Variants in ABAT observed in about 807,000 individuals in gnomAD.
The protein encoded by ABAT is 4-aminobutyrate aminotransferase, also known as 4-aminobutyrate aminotransferase, mitochondrial.
A neutral mutation model predicts 64.6 loss-of-function variants in ABAT; 45 were observed. That is an observed-to-expected ratio of 0.70 (90% confidence interval 0.55 to 0.89). ABAT has a LOEUF of 0.89. Ranked by LOEUF, ABAT falls within the 40% of genes least tolerant of loss-of-function variation. The pLI is 0.00. For synonymous variants in ABAT, 297 were observed against 250.5 expected, an observed-to-expected ratio of 1.19 and a Z score of -1.75; for missense variants, 633 against 658.4, an observed-to-expected ratio of 0.96 and a Z score of 0.42.
intron 14 of ABAT, among the ~76,000 whole-genome samples, chr16:8,777,107 G>T (rs1367505324): frequency 6.6e-6 from 1 of 151,982 alleles, no homozygotes; most frequent in Non-Finnish European, 1.5e-5. Context: ...CACCATGTTG[G>T]CCAGGCTGGT....
chr16:8,747,920 C>T lies in ABAT; in HGVS notation c.169-188C>T, dbSNP rs146566345. ...CTGTCTATCGTACTAGTAATTTAAGCGTGTAATGGAATAGTTTCCTGCCAA... is the reference window on the plus strand; with the variant it reads ...CTGTCTATCGTACTAGTAATTTAAGTGTGTAATGGAATAGTTTCCTGCCAA... On this transcript the variant is annotated intron_variant, in intron 3 of 15. Transcript: ENST00000268251. Among the ~76,000 whole-genome samples the T allele has an allele frequency of 1.5e-4, 23 of 152,032 alleles. No homozygotes were observed. In the East Asian group the frequency reaches 3.3e-3, roughly 22 times the overall value.
intron 3 of ABAT, among the ~76,000 whole-genome samples, chr16:8,747,430 A>T (rs1332227794): frequency 6.6e-6 from 1 of 152,164 alleles, no homozygotes; most frequent in Non-Finnish European, 1.5e-5. Context: ...TGCTAACAAA[A>T]CGGGAGACAT....
intron 1 of ABAT, among the ~76,000 whole-genome samples, chr16:8,684,088 G>C (rs1348786855): frequency 6.6e-6 from 1 of 152,188 alleles, no homozygotes; most frequent in Non-Finnish European, 1.5e-5. Flanking sequence ...AGTGCCGAAG[G>C]TGTGTGGGAG....
intron 11 of ABAT, among the ~76,000 whole-genome samples, chr16:8,770,178 C>T (rs756266172): frequency 2.0e-5 from 3 of 152,198 alleles, no homozygotes; most frequent in Admixed American, 6.5e-5. Context: ...AGCTCTGTTG[C>T]CCAGGCTGGA....
intron 1 of ABAT, among the ~76,000 whole-genome samples, chr16:8,732,606 C>G (rs1035023955): frequency 1.3e-4 from 19 of 151,598 alleles, no homozygotes; most frequent in African/African-American, 4.6e-4. Context: ...AATGAAAAGT[C>G]TCCCATGTCT....
chr16:8,704,264 C>A (rs1399187490), intron 1 of ABAT, among the ~76,000 whole-genome samples: 2 of 152,176 alleles, frequency 1.3e-5, no homozygotes, highest in African/African-American at 4.8e-5. Flanking sequence ...CTTCGGAAAC[C>A]AAACGGAACA....
At chr16:8,706,668 G>A (rs532470619) in intron 1 of ABAT, among the ~76,000 whole-genome samples, 8 of 152,068 alleles carry the variant, frequency 5.3e-5, no homozygotes, top group Admixed American at 1.3e-4. Flanking sequence ...AGCCAAGATC[G>A]TGCCACGGCA....
intron 13 of ABAT, among the ~76,000 whole-genome samples, chr16:8,775,714 G>C (rs981106762): frequency 6.6e-6 from 1 of 152,214 alleles, no homozygotes; most frequent in Non-Finnish European, 1.5e-5. Context: ...GAAAGAAAAA[G>C]AAGGGAAGGA....
intron 1 of ABAT, among the ~76,000 whole-genome samples, chr16:8,714,436 C>T (rs181295863): frequency 6.0e-4 from 91 of 152,356 alleles, no homozygotes; most frequent in African/African-American, 1.9e-3. Context: ...GGGCGGCTCA[C>T]GCCAAGAGTA....
In ABAT at chr16:8,776,582, G is replaced by A. The variant is rs1009194024; in HGVS notation, c.1269+92G>A. On this transcript the variant is annotated intron_variant, in intron 14 of 15. Coordinates refer to ENST00000268251, the MANE Select transcript of ABAT (RefSeq NM_020686.6). The surrounding 1 kb of genome is among the most constrained non-coding windows in gnomAD (Gnocchi z 4.4). ...CTGGAGCTCTTCGGCATGGTGTTGT[G>A]CCTGCTGTTCCAGCAGTTCGTAACG... The A allele has an allele frequency of 6.7e-6, 9 of 1,353,176 alleles. No homozygotes were observed. The highest frequency in any genetic ancestry group is 1.4e-5 in the African/African-American group (1 of 69,190). The allele number at this position is 1,353,176 out of a possible 1,614,324, so 83.8% of individuals were successfully genotyped here.
chr16:8,721,872 A>C (rs2058382268), intron 1 of ABAT, among the ~76,000 whole-genome samples: 1 of 152,330 alleles, frequency 6.6e-6, no homozygotes, highest in South Asian at 2.1e-4. Context: ...AAAAAGGACG[A>C]GGAGAGGTGG....
intron 2 of ABAT, among the ~76,000 whole-genome samples, chr16:8,744,634 C>A (rs976791091): frequency 1.3e-5 from 2 of 152,090 alleles, no homozygotes; most frequent in African/African-American, 4.8e-5. Flanking sequence ...TCCCAAAGTG[C>A]TGGGATTATA....
chr16:8,768,798 T>G (rs1175243462), intron 10 of ABAT, 27 bp from the exon 11 acceptor site: 1 of 1,614,016 alleles, frequency 6.2e-7, no homozygotes, highest in South Asian at 1.1e-5. Flanking sequence ...AAGCCAAGCG[T>G]CTGCTTTTCT....
chr16:8,684,073 A>G (rs1404872101), intron 1 of ABAT, among the ~76,000 whole-genome samples: 5 of 152,190 alleles, frequency 3.3e-5, no homozygotes, highest in African/African-American at 1.2e-4. Flanking sequence ...CCACACAGTG[A>G]GGAGAGTGCC....
chr16:8,775,528 C>A (rs2060242374), intron 13 of ABAT, among the ~76,000 whole-genome samples: 1 of 150,488 alleles, frequency 6.6e-6, no homozygotes, highest in African/African-American at 2.4e-5. Flanking sequence ...ATACTCTTAC[C>A]CACTACACTG....
chr16:8,755,902 A>T (rs1053402830), intron 5 of ABAT, among the ~76,000 whole-genome samples: 1 of 152,184 alleles, frequency 6.6e-6, no homozygotes, highest in Non-Finnish European at 1.5e-5. Context: ...ACAAAAAATT[A>T]GCCAGGCGTG....
At chr16:8,737,471 C>T (rs1257058940) in intron 2 of ABAT, 1 of 102,082 alleles carries the variant, frequency 9.8e-6, no homozygotes. Context: ...GAGGCTCTGT[C>T]TCAAAAAAAT....
chr16:8,733,362 C>A (rs563784030), intron 1 of ABAT, among the ~76,000 whole-genome samples: 1,952 of 150,138 alleles, frequency 0.013, 78 homozygotes, highest in African/African-American at 0.045. Flanking sequence ...GCAGCCAGGC[C>A]GAGGGGCTCC....
chr16:8,721,548 T>C (rs891336908), intron 1 of ABAT, among the ~76,000 whole-genome samples: 6 of 152,264 alleles, frequency 3.9e-5, no homozygotes, highest in Admixed American at 1.3e-4. Context: ...CTCTAAGACC[T>C]TGAACAAGCC....
Sources: allele counts gnomAD v4.1 joint callset (sites outside exome capture counted in the v4.1 genomes callset), GRCh38; gene constraint gnomAD v4.1.1; non-coding constraint Gnocchi (gnomAD v3.1); transcripts MANE v1.5; gene names NCBI Gene and HGNC (gene_info 2026-07-23, HGNC 2026-07-21).